The following CACNA1D variants were observed in gnomAD, a reference collection of about 807,000 sequenced individuals.
CACNA1D encodes voltage-dependent L-type calcium channel subunit alpha-1D.
A neutral mutation model predicts 257.1 loss-of-function variants in CACNA1D; 55 were observed. The observed-to-expected ratio is 0.21, with a 90% CI of 0.17 to 0.27. The LOEUF is 0.27. Among genes scored for constraint, CACNA1D ranks in the 10% least tolerant of loss-of-function variants. The pLI, the probability that CACNA1D is intolerant of heterozygous loss-of-function variation, is 1.00. For synonymous variants in CACNA1D, 980 were observed against 1,014.9 expected (o/e 0.97, Z 0.65); for missense variants, 1,876 against 2,784.0 (o/e 0.67, Z 7.34).
At chr3:53,662,547 C>T (rs756540314) in intron 5 of CACNA1D, among the ~76,000 whole-genome samples, 1 of 152,186 alleles carries the variant, frequency 6.6e-6, no homozygotes, top group Non-Finnish European at 1.5e-5. Flanking sequence ...ATCTTTTAGA[C>T]AAGGAAACTG....
In CACNA1D at chr3:53,811,482, G is replaced by A; in HGVS notation, c.*76G>A. On this transcript the variant is annotated 3_prime_UTR_variant, in exon 48 of 48. Transcript: ENST00000350061. The surrounding 1 kb of genome is among the most constrained non-coding windows in gnomAD (Gnocchi z 4.2). ...CCAGGGGAAAAGTGCCTCATAGTTA[G>A]GAAAGTTTAGGCACTAGTTGGGAGT... is the stretch of plus-strand genomic sequence containing the variant. 4.9e-6 allele frequency: 6 copies of A among 1,213,908 alleles called. No homozygotes were observed. In the South Asian group the frequency reaches 9.5e-5, roughly 19 times the overall value. The allele number at this position is 1,213,908 out of a possible 1,614,324, so 75.2% of individuals were successfully genotyped here. A position where few individuals can be genotyped will look rare whatever the true frequency, so the allele number is the denominator to read the frequency against.
intron 3 of CACNA1D, among the ~76,000 whole-genome samples, chr3:53,532,854 C>T (rs1004323355): frequency 1.3e-5 from 2 of 152,282 alleles, no homozygotes; most frequent in East Asian, 1.9e-4. Flanking sequence ...AGCGGTGTGA[C>T]GTTGAGCCTG....
chr3:53,783,435 G>A (rs1203437857), intron 39 of CACNA1D, among the ~76,000 whole-genome samples: 1 of 152,192 alleles, frequency 6.6e-6, no homozygotes, highest in East Asian at 1.9e-4. Flanking sequence ...ACTGGACCTC[G>A]CCTTTTCTCT....
intron 3 of CACNA1D, among the ~76,000 whole-genome samples, chr3:53,528,867 G>GCCTTGTACATGCCA (rs1479640823): frequency 1.3e-5 from 2 of 152,012 alleles, no homozygotes; most frequent in Admixed American, 6.6e-5. Flanking sequence ...TGTACATGCC[G>GCCTTGTACATGCCA]CCTTGTCACA....
chr3:53,756,528 G>A (rs1242784851), intron 29 of CACNA1D, among the ~76,000 whole-genome samples: 1 of 152,232 alleles, frequency 6.6e-6, no homozygotes, highest in East Asian at 1.9e-4. Context: ...TGATTTAGCC[G>A]ATTGTGGGTT....
At chr3:53,523,829 C>T (rs960508755) in intron 3 of CACNA1D, among the ~76,000 whole-genome samples, 1 of 152,184 alleles carries the variant, frequency 6.6e-6, no homozygotes, top group Non-Finnish European at 1.5e-5. Context: ...GGAGGACTGT[C>T]CTTGACTTTA....
chr3:53,503,963 A>G (rs2090712072), intron 3 of CACNA1D, among the ~76,000 whole-genome samples: 1 of 151,156 alleles, frequency 6.6e-6, no homozygotes. Flanking sequence ...TTCCTTTCCC[A>G]CTGTGGGAAG....
intron 31 of CACNA1D, 22 bp downstream of exon 31, chr3:53,770,039 C>T (rs2095357682): frequency 1.4e-5 from 23 of 1,598,650 alleles, no homozygotes; most frequent in Non-Finnish European, 1.9e-5. Context: ...GACTAGTCCC[C>T]AGGGGCTGGG....
At chr3:53,696,477 G>A (rs891616342) in intron 8 of CACNA1D, among the ~76,000 whole-genome samples, 10 of 152,216 alleles carry the variant, frequency 6.6e-5, no homozygotes, top group Non-Finnish European at 1.2e-4. Flanking sequence ...CGGGGATGGG[G>A]TAAGGTGTTG....
chr3:53,576,974 T>A (rs2093048736), intron 3 of CACNA1D, among the ~76,000 whole-genome samples: 1 of 152,190 alleles, frequency 6.6e-6, no homozygotes, highest in East Asian at 1.9e-4. Flanking sequence ...AAGTGCAGCT[T>A]CTTCATATTG....
At chr3:53,508,998 C>T (rs1402653982) in intron 3 of CACNA1D, among the ~76,000 whole-genome samples, 5 of 152,200 alleles carry the variant, frequency 3.3e-5, no homozygotes, top group Non-Finnish European at 7.3e-5. Flanking sequence ...GCAGTTGATC[C>T]AGGAGTAGAT....
intron 32 of CACNA1D, 124 bp downstream of exon 32, chr3:53,770,676 A>G: frequency 1.2e-6 from 1 of 858,314 alleles, no homozygotes; most frequent in South Asian, 1.4e-5. Context: ...AAATCAATAG[A>G]AAACATGGAA....
At chr3:53,519,117 C>T (rs967495088) in intron 3 of CACNA1D, among the ~76,000 whole-genome samples, 1 of 152,162 alleles carries the variant, frequency 6.6e-6, no homozygotes, top group Non-Finnish European at 1.5e-5. Context: ...TTCCTGTTAC[C>T]TCAGAGTAAA....
chr3:53,649,093 C>T lies in CACNA1D; in HGVS notation c.484-1686C>T, dbSNP rs375849063. ...CGACAAAGGGATGTTCTGCCTGGCA[C>T]GGCCGGTGACAGAGGGGAAGCGATT... On this transcript the variant is annotated intron_variant, in intron 3 of 47. Coordinates refer to ENST00000350061, the MANE Select transcript of CACNA1D (RefSeq NM_001128840.3). Among the ~76,000 whole-genome samples the T allele has an allele frequency of 2.5e-4, 38 of 152,234 alleles. No homozygotes were observed. The East Asian group carries it at 4.6e-3, about 19-fold the overall frequency.
chr3:53,571,487 T>A (rs1302618144), intron 3 of CACNA1D, among the ~76,000 whole-genome samples: 1 of 152,118 alleles, frequency 6.6e-6, no homozygotes, highest in Admixed American at 6.5e-5. Flanking sequence ...CAGCCATAGC[T>A]GTCGATAGTT....
At chr3:53,705,637 G>A (rs371881119) in intron 9 of CACNA1D, among the ~76,000 whole-genome samples, 12 of 152,276 alleles carry the variant, frequency 7.9e-5, no homozygotes, top group Middle Eastern at 3.4e-3. Context: ...AGTGCTTCCC[G>A]AGTCATCAGA....
rs1373011889 is a variant in CACNA1D at position 53,744,756 on chromosome 3, G to A, written c.2935G>A (p.Val979Ile). 9 of 1,603,304 alleles carry A rather than the reference G, an allele frequency of 5.6e-6. No individual in the cohort carries two copies. Among genetic ancestry groups the A allele is most frequent in the Admixed American group, 3.3e-5 (2 of 60,010 alleles). Residue 979 changes from valine to isoleucine, a missense_variant, in exon 23 of 48, where the codon GTT becomes ATT. By Grantham distance (29) the Val-to-Ile change is conservative. This residue lies in a region of CACNA1D where 271 missense variants were observed against 425.5 expected (regional missense o/e 0.64). Coordinates refer to ENST00000350061, the MANE Select transcript of CACNA1D (RefSeq NM_001128840.3). ...SFGIQSSAISVVKILRVLRVL... is the reference protein window; with the variant it reads ...SFGIQSSAISIVKILRVLRVL... ...CTTCCCTAGATCCAGTGCCATCTCC[G>A]TTGTGAAGATTCTGAGGGTCTTAAG...
intron 29 of CACNA1D, among the ~76,000 whole-genome samples, chr3:53,760,495 G>A (rs1033548065): frequency 5.3e-5 from 8 of 152,086 alleles, no homozygotes; most frequent in Admixed American, 2.0e-4. Context: ...TCCAAAAAGC[G>A]TCCAGACTCT....
At chr3:53,740,138 G>A (rs1304158588) in intron 20 of CACNA1D, 142 bp from the exon 21 acceptor site, 19 of 751,482 alleles carry the variant, frequency 2.5e-5, no homozygotes, top group Non-Finnish European at 3.9e-5. Context: ...ATTCACCCGT[G>A]GCTCTGCACT....
Sources: gnomAD v4.1 joint callset for allele counts (sites outside exome capture counted in the v4.1 genomes callset) on GRCh38, gnomAD v4.1.1 for gene constraint, gnomAD v4.1.1 regional missense constraint, Gnocchi (gnomAD v3.1) non-coding constraint, MANE v1.5 for transcripts, NCBI Gene and HGNC (gene_info 2026-07-23, HGNC 2026-07-21) for gene names.